GRID1: variants seen among roughly 807,000 people sequenced by gnomAD.
GRID1 encodes glutamate receptor ionotropic, delta-1.
In GRID1, 28 loss-of-function variants were observed where a neutral mutation model predicts 98.0. The ratio of observed to expected loss-of-function variants is 0.29; its 90% confidence interval spans 0.21 to 0.39. GRID1 has a LOEUF of 0.39. Ranked by LOEUF, GRID1 falls within the 10% of genes least tolerant of loss-of-function variation. The pLI is 1.00. For synonymous variants in GRID1, 553 were observed against 538.5 expected, an observed-to-expected ratio of 1.03 and a Z score of -0.37; for missense variants, 1,111 against 1,340.5, an observed-to-expected ratio of 0.83 and a Z score of 2.67.
At chr10:85,950,136 T>C (rs928674427) in intron 4 of GRID1, among the ~76,000 whole-genome samples, 5 of 152,234 alleles carry the variant, frequency 3.3e-5, no homozygotes, top group African/African-American at 1.2e-4. Context: ...TCCTTCCTTT[T>C]ACTTTCATGG....
At chr10:86,027,714 C>T (rs766370035) in intron 4 of GRID1, among the ~76,000 whole-genome samples, 4 of 152,322 alleles carry the variant, frequency 2.6e-5, no homozygotes, top group Admixed American at 6.5e-5. Context: ...CCACAGCTGA[C>T]GGCTTCCAGT....
chr10:85,899,992 G>A (rs1841356584), intron 5 of GRID1, among the ~76,000 whole-genome samples: 1 of 152,304 alleles, frequency 6.6e-6, no homozygotes, highest in South Asian at 2.1e-4. Context: ...AGAGACAGCT[G>A]CCTCAATGTA....
In GRID1 at chr10:86,195,771, T is replaced by C. The variant is rs1346280355; in HGVS notation, c.520+10593A>G. Among the ~76,000 whole-genome samples the C allele has an allele frequency of 6.6e-6, 1 of 152,148 alleles. No homozygotes were observed. Among genetic ancestry groups the C allele is most frequent in the Non-Finnish European group, 1.5e-5 (1 of 67,988 alleles). The stretch of plus-strand genomic sequence containing the variant: ...GGGCGTGACCCCCACCTTTTGGTTC[T>C]AAGTGGCCTTGTCACCACTCCCAGA... On this transcript the variant is annotated intron_variant, in intron 3 of 15. Coordinates refer to ENST00000327946, the MANE Select transcript of GRID1 (RefSeq NM_017551.3). This position sits in a 1 kb window ranked among gnomAD's most constrained non-coding sequence, Gnocchi z 4.4.
chr10:86,207,032 A>T (rs1846035955), intron 2 of GRID1, among the ~76,000 whole-genome samples: 1 of 152,154 alleles, frequency 6.6e-6, no homozygotes, highest in African/African-American at 2.4e-5. Context: ...GCCCTTTAAG[A>T]GCCAAAACGT....
intron 8 of GRID1, among the ~76,000 whole-genome samples, chr10:85,779,391 T>G (rs1003924708): frequency 3.3e-5 from 5 of 152,172 alleles, no homozygotes; most frequent in African/African-American, 1.2e-4. Flanking sequence ...TGCCAGGGTT[T>G]CATCCCTACC....
intron 4 of GRID1, among the ~76,000 whole-genome samples, chr10:85,928,395 C>G (rs1239589837): frequency 6.6e-6 from 1 of 152,220 alleles, no homozygotes. Flanking sequence ...GAAAGGTCTG[C>G]AAGGATAAGG....
chr10:86,290,719 A>G (rs937806199), intron 2 of GRID1, among the ~76,000 whole-genome samples: 9 of 152,208 alleles, frequency 5.9e-5, no homozygotes, highest in African/African-American at 1.4e-4. Context: ...ACAAAGATAA[A>G]GCATGAAAGA....
chr10:86,081,200 G>T (rs1340392257), intron 4 of GRID1, among the ~76,000 whole-genome samples: 2 of 152,140 alleles, frequency 1.3e-5, no homozygotes, highest in Non-Finnish European at 2.9e-5. Context: ...TCAAGACAAG[G>T]TTAACTATTT....
intron 5 of GRID1, among the ~76,000 whole-genome samples, chr10:85,869,991 A>G (rs898251200): frequency 5.3e-5 from 8 of 152,204 alleles, no homozygotes; most frequent in Non-Finnish European, 1.2e-4. Flanking sequence ...GAATCTGACA[A>G]GGGGTGGACT....
chr10:86,094,821 A>C (rs1291639185), intron 4 of GRID1, among the ~76,000 whole-genome samples: 1 of 148,968 alleles, frequency 6.7e-6, no homozygotes, highest in African/African-American at 2.6e-5. Flanking sequence ...ATCGTTCTTC[A>C]CAGAATTAGA....
chr10:86,182,347 C>A (rs1056395810), intron 3 of GRID1, among the ~76,000 whole-genome samples: 2 of 152,218 alleles, frequency 1.3e-5, no homozygotes, highest in Non-Finnish European at 2.9e-5. Context: ...ACACTGCATG[C>A]CATTGATCGC....
intron 14 of GRID1, among the ~76,000 whole-genome samples, chr10:85,616,596 T>G (rs541995420): frequency 1.2e-4 from 18 of 152,314 alleles, no homozygotes; most frequent in African/African-American, 3.6e-4. Flanking sequence ...CCCAGAATGA[T>G]AGTAAGGCAA....
At chr10:85,888,172 C>A (rs540910369) in intron 5 of GRID1, among the ~76,000 whole-genome samples, 1 of 152,194 alleles carries the variant, frequency 6.6e-6, no homozygotes, top group Non-Finnish European at 1.5e-5. Context: ...GTATAAATGA[C>A]GCAATAGCTT....
At chr10:86,341,407 G>A (rs1438499432) in intron 2 of GRID1, among the ~76,000 whole-genome samples, 1 of 152,094 alleles carries the variant, frequency 6.6e-6, no homozygotes, top group Non-Finnish European at 1.5e-5. Flanking sequence ...TTACGCGGGT[G>A]CCCCTCCCTC....
chr10:85,821,516 CAAAAAAAAA>C (rs1157209045), intron 8 of GRID1, among the ~76,000 whole-genome samples: 7 of 9,104 alleles, frequency 7.7e-4, no homozygotes, highest in South Asian at 6.2e-3. Flanking sequence ...GACTTCATCT[CAAAAAAAAA>C]AAAAAAAAAA....
intron 5 of GRID1, among the ~76,000 whole-genome samples, chr10:85,904,943 G>T (rs765215981): frequency 6.6e-6 from 1 of 151,976 alleles, no homozygotes; most frequent in Non-Finnish European, 1.5e-5. Context: ...AAATATAAAA[G>T]ATTTTTTTCA....
At chr10:86,070,637 C>G (rs1843790113) in intron 4 of GRID1, among the ~76,000 whole-genome samples, 2 of 152,156 alleles carry the variant, frequency 1.3e-5, no homozygotes, top group Admixed American at 6.5e-5. Context: ...CAGGACAGCC[C>G]ACAAGAAAGC....
At chr10:85,732,544 T>G (rs1461630136) in intron 8 of GRID1, among the ~76,000 whole-genome samples, 1 of 152,090 alleles carries the variant, frequency 6.6e-6, no homozygotes, top group Non-Finnish European at 1.5e-5. Context: ...AAGAAACAGT[T>G]GGGATGAAGC....
At chr10:85,981,163 C>T (rs113548583) in intron 4 of GRID1, among the ~76,000 whole-genome samples, 4 of 152,210 alleles carry the variant, frequency 2.6e-5, no homozygotes, top group African/African-American at 9.6e-5. Context: ...AGGCTCTGAC[C>T]CAGGCCCTGG....
Sources: gnomAD v4.1 joint callset for allele counts (sites outside exome capture counted in the v4.1 genomes callset) on GRCh38, gnomAD v4.1.1 for gene constraint, Gnocchi (gnomAD v3.1) non-coding constraint, MANE v1.5 for transcripts, NCBI Gene and HGNC (gene_info 2026-07-23, HGNC 2026-07-21) for gene names.